Variants in PIP5K1C observed in about 807,000 individuals in gnomAD.
The protein encoded by PIP5K1C is phosphatidylinositol 4-phosphate 5-kinase type-1 gamma.
Under a neutral mutation model 80.1 loss-of-function variants are expected in PIP5K1C, and 45 were observed. The observed-to-expected ratio is 0.56, with a 90% confidence interval of 0.44 to 0.72. The LOEUF is 0.72. Ranked by LOEUF, PIP5K1C falls within the 30% of genes least tolerant of loss-of-function variation. PIP5K1C has a pLI of 0.00. For missense variants in PIP5K1C, 753 were observed against 954.6 expected (o/e 0.79, Z 2.78); for synonymous variants, 498 against 420.1 (o/e 1.19, Z -2.27).
chr19:3,646,085 G>A (rs780071520), intron 10 of PIP5K1C, 27 bp from the exon 11 acceptor site: 26 of 1,432,172 alleles, frequency 1.8e-5, no homozygotes, highest in East Asian at 1.6e-4. Flanking sequence ...GGGGGTGCCC[G>A]GGGGCAGAGG....
intron 1 of PIP5K1C, among the ~76,000 whole-genome samples, chr19:3,672,099 C>T (rs1487488315): frequency 3.3e-5 from 5 of 152,180 alleles, no homozygotes; most frequent in African/African-American, 1.2e-4. Flanking sequence ...CGGCTCTGAT[C>T]GCTGGCTGCA....
chr19:3,644,138 C>T lies in PIP5K1C; in HGVS notation c.1459G>A (p.Ala487Thr). 1.9e-6 allele frequency: 3 copies of T among 1,611,934 alleles called. No homozygotes were observed. The highest frequency in any genetic ancestry group is 1.7e-6 in the Non-Finnish European group (2 of 1,179,858). ...ASQIPSEREE[A>T]QYDLRGARSY... ...CGGGCCCCCCGCAGGTCGTACTGGG[C>T]CTCCTCCCGCTCGCTAGGGATCTGG... The change falls in exon 12 of 18, where the codon GCC becomes ACC. Residue 487 changes from alanine to threonine, a missense_variant. Physicochemically the swap from Ala to Thr is moderately conservative, Grantham distance 58. Coordinates refer to ENST00000335312, the MANE Select transcript of PIP5K1C (RefSeq NM_012398.3).
At position 3,648,763 on chromosome 19, in the gene PIP5K1C, C is replaced by A; in HGVS notation, c.1128-55G>T. The A allele has an allele frequency of 6.6e-7, 1 of 1,509,262 alleles. No homozygotes were observed. Among genetic ancestry groups the A allele is most frequent in the Admixed American group, 1.7e-5 (1 of 59,432 alleles). The allele number at this position is 1,509,262 out of a possible 1,614,324, so 93.5% of individuals were successfully genotyped here. A position where few individuals can be genotyped will look rare whatever the true frequency, so the allele number is the denominator to read the frequency against. On this transcript the variant is annotated intron_variant, in intron 8 of 17. Coordinates refer to ENST00000335312, the MANE Select transcript of PIP5K1C (RefSeq NM_012398.3). The surrounding 1 kb of genome is among the most constrained non-coding windows in gnomAD (Gnocchi z 4.3). ...CATCCCGCAGAGCTGGGACTCGGGG[C>A]AGGCGGGGCTGGGGACTCCAGGGCT...
intron 1 of PIP5K1C, among the ~76,000 whole-genome samples, chr19:3,683,903 G>C (rs1180925751): frequency 1.1e-5 from 1 of 91,172 alleles, no homozygotes; most frequent in Non-Finnish European, 2.3e-5. Context: ...TGGAGCCCCT[G>C]CTTCCCCTCC....
At chr19:3,642,376 A>C (rs1341812336) in intron 14 of PIP5K1C, among the ~76,000 whole-genome samples, 2 of 152,222 alleles carry the variant, frequency 1.3e-5, no homozygotes, top group Non-Finnish European at 2.9e-5. Flanking sequence ...AGTCCATGGG[A>C]TGGAAGGACG....
chr19:3,647,886 G>A (rs376708812), intron 9 of PIP5K1C, among the ~76,000 whole-genome samples: 1 of 152,260 alleles, frequency 6.6e-6, no homozygotes, highest in East Asian at 1.9e-4. Flanking sequence ...GGCAGAGGTT[G>A]CAGTGAGCCA....
At chr19:3,658,286 G>T (rs10432299) in intron 5 of PIP5K1C, among the ~76,000 whole-genome samples, 81,870 of 152,118 alleles carry the variant, frequency 0.54, 22,426 homozygotes, top group East Asian at 0.7. Flanking sequence ...CCTCCTGCAT[G>T]CGCTGCTTCT....
intron 8 of PIP5K1C, among the ~76,000 whole-genome samples, chr19:3,651,054 C>CGT (rs1398534352): frequency 1.2e-5 from 1 of 82,894 alleles, no homozygotes; most frequent in Non-Finnish European, 2.4e-5. Flanking sequence ...CCGCGCCCAG[C>CGT]GTTTTTTTTT....
Position 3,641,692 on chromosome 19 carries a change from A to G in PIP5K1C, c.1787+13T>C. 1 of 1,601,182 alleles carries G rather than the reference A, an allele frequency of 6.2e-7. No homozygotes were observed. The highest frequency in any genetic ancestry group is 8.5e-7 in the Non-Finnish European group (1 of 1,176,840). On this transcript the variant is annotated intron_variant, in intron 15 of 17. Coordinates refer to ENST00000335312, the MANE Select transcript of PIP5K1C (RefSeq NM_012398.3). Reference sequence around the variant, plus strand: ...AGGTGGGCGCCCCGACCTCCCGCCGAGGCCGTGCTCACCCTGCGTCCTCCT... The same window carrying G: ...AGGTGGGCGCCCCGACCTCCCGCCGGGGCCGTGCTCACCCTGCGTCCTCCT...
Position 3,664,772 on chromosome 19 carries a change from C to T in PIP5K1C, c.219+50G>A, listed in dbSNP as rs367649778. On this transcript the variant is annotated intron_variant, in intron 3 of 17. Coordinates refer to ENST00000335312, the MANE Select transcript of PIP5K1C (RefSeq NM_012398.3). ...CCATGCTACCAGTGGGATCCCCCTC[C>T]CCTCTGCTCTGTCCCGCTCCCTCCA... is the stretch of plus-strand genomic sequence containing the variant. 2.2e-5 allele frequency: 32 copies of T among 1,428,184 alleles called. No individual in the cohort carries two copies. The African/African-American group carries it at 3.5e-4, about 16-fold the overall frequency. 88.5% of individuals were successfully genotyped at this position (1,428,184 alleles called of 1,614,324 possible).
At chr19:3,656,261 G>A (rs984438325) in intron 6 of PIP5K1C, 144 bp downstream of exon 6, 75 of 848,200 alleles carry the variant, frequency 8.8e-5, no homozygotes, top group Non-Finnish European at 1.3e-4. Context: ...GGGGACCCCC[G>A]AGGGTGAGTC....
intron 6 of PIP5K1C, among the ~76,000 whole-genome samples, chr19:3,654,833 A>AT (rs2145454159): frequency 6.9e-6 from 1 of 145,480 alleles, no homozygotes; most frequent in African/African-American, 2.6e-5. Flanking sequence ...AAAAAAAAAA[A>AT]GGCCAAGCAC....
intron 17 of PIP5K1C, 85 bp downstream of exon 17, chr19:3,633,351 TC>T: frequency 9.1e-7 from 1 of 1,102,166 alleles, no homozygotes. Flanking sequence ...CGGGCCTCAG[TC>T]CCTGCCTATC....
At chr19:3,689,416 T>G (rs977688092) in intron 1 of PIP5K1C, among the ~76,000 whole-genome samples, 6 of 151,950 alleles carry the variant, frequency 3.9e-5, no homozygotes, top group African/African-American at 1.5e-4. Flanking sequence ...TTTGGGAGGC[T>G]GAGGTGGCTG....
chr19:3,677,519 G>A (rs978351042), intron 1 of PIP5K1C, among the ~76,000 whole-genome samples: 8 of 151,696 alleles, frequency 5.3e-5, no homozygotes, highest in East Asian at 2.0e-4. Flanking sequence ...GGAGGCGGAG[G>A]TTGCAGTGAG....
chr19:3,639,622 G>A (rs2033879459), intron 15 of PIP5K1C, among the ~76,000 whole-genome samples: 1 of 151,104 alleles, frequency 6.6e-6, no homozygotes, highest in South Asian at 2.1e-4. Flanking sequence ...TTTAGAGATG[G>A]GGTCTCACTA....
intron 1 of PIP5K1C, among the ~76,000 whole-genome samples, chr19:3,687,204 C>CA (rs1288177985): frequency 6.7e-6 from 1 of 150,006 alleles, no homozygotes; most frequent in Non-Finnish European, 1.5e-5. Context: ...AAAACAAAAA[C>CA]AAAAAAAATT....
Position 3,644,182 on chromosome 19 carries a change from G to C in PIP5K1C, c.1415C>G (p.Thr472Ser), listed in dbSNP as rs2034108624. Residue 472 changes from threonine to serine, a missense_variant, in exon 12 of 18, where the codon ACC becomes AGC. Transcript: ENST00000335312. ...ALLAVKPLGPTAAFSASQIPS... is the reference protein window; with the variant it reads ...ALLAVKPLGPSAAFSASQIPS... Reference sequence around the variant, plus strand: ...GATCTGGCTGGCCGAGAAGGCAGCGGTGGGCCCCAGCGGTTTCACAGCTAG... The same window carrying C: ...GATCTGGCTGGCCGAGAAGGCAGCGCTGGGCCCCAGCGGTTTCACAGCTAG... The C allele has an allele frequency of 1.2e-6, 2 of 1,612,380 alleles. No individual in the cohort carries two copies. The highest frequency in any genetic ancestry group is 8.5e-7 in the Non-Finnish European group (1 of 1,179,888).
intron 6 of PIP5K1C, 49 bp downstream of exon 6, chr19:3,656,356 G>T: frequency 1.2e-6 from 2 of 1,606,792 alleles, no homozygotes; most frequent in South Asian, 2.2e-5. Context: ...CCAGCCGGGA[G>T]AAGGGGGTTG....
Sources: allele counts gnomAD v4.1 joint callset (sites outside exome capture counted in the v4.1 genomes callset), GRCh38; gene constraint gnomAD v4.1.1; non-coding constraint Gnocchi (gnomAD v3.1); transcripts MANE v1.5; gene names NCBI Gene and HGNC (gene_info 2026-07-23, HGNC 2026-07-21).